TXNRD2: variants seen among roughly 807,000 people sequenced by gnomAD.
TXNRD2 encodes the protein thioredoxin reductase 2.
Under a neutral mutation model 70.8 loss-of-function variants are expected in TXNRD2, and 67 were observed. That is an observed-to-expected ratio of 0.95 (90% CI 0.78 to 1.16). TXNRD2 has a LOEUF of 1.16. TXNRD2 is among the 50% of genes most tolerant of loss of function. TXNRD2 has a pLI of 0.00. For synonymous variants in TXNRD2, 301 were observed against 295.8 expected (o/e 1.02, Z -0.18); for missense variants, 644 against 719.9 (o/e 0.89, Z 1.21).
At chr22:19,932,445 T>TA in intron 1 of TXNRD2, 1 of 1,608,944 alleles carries the variant, frequency 6.2e-7, no homozygotes, top group South Asian at 1.1e-5. Context: ...CTCTGCAAGC[T>TA]ACTGGCGAGG....
chr22:19,923,915 T>C (rs1941019061), intron 2 of TXNRD2, among the ~76,000 whole-genome samples: 1 of 141,366 alleles, frequency 7.1e-6, no homozygotes, highest in Non-Finnish European at 1.5e-5. Flanking sequence ...CCTTGCCTGG[T>C]AACTTGGGTA....
intron 11 of TXNRD2, chr22:19,895,145 C>G (rs756473829): frequency 8.1e-6 from 13 of 1,598,474 alleles, no homozygotes; most frequent in Non-Finnish European, 1.0e-5. Flanking sequence ...AGTCTCTTCT[C>G]TGGTTTTTTC....
At chr22:19,901,469 C>T (rs748573619) in intron 8 of TXNRD2, among the ~76,000 whole-genome samples, 6 of 152,192 alleles carry the variant, frequency 3.9e-5, no homozygotes, top group Admixed American at 6.5e-5. Flanking sequence ...ACGTCTCGCT[C>T]GTGTGGAGGG....
At chr22:19,931,479 G>A (rs576677000) in intron 1 of TXNRD2, among the ~76,000 whole-genome samples, 1 of 152,226 alleles carries the variant, frequency 6.6e-6, no homozygotes, top group East Asian at 1.9e-4. Context: ...CCTGCTTGGG[G>A]GAGGGATGAA....
In TXNRD2 at chr22:19,880,248, C is replaced by T. The variant is rs1139795; in HGVS notation, c.1206G>A (p.Pro402=). ...YDNVPTTVFT[P]LEYGCVGLSE... is the part of the protein sequence containing the mutation. ...ACAGCCCCACACAGCCATACTCCAGCGGGGTGAAGACGGTCGTGGGAACCT... is the reference window on the plus strand; with the variant it reads ...ACAGCCCCACACAGCCATACTCCAGTGGGGTGAAGACGGTCGTGGGAACCT... Residue 402 remains proline, a synonymous_variant, in exon 14 of 18, where the codon CCG becomes CCA. Coordinates refer to ENST00000400521, the MANE Select transcript of TXNRD2 (RefSeq NM_006440.5). 280,359 of 1,613,250 alleles carry T rather than the reference C, an allele frequency of 0.17. 31,448 individuals carry two copies. The highest frequency in any genetic ancestry group is 0.56 in the African/African-American group (41,907 of 74,922).
chr22:19,925,147 G>T (rs1346091551), intron 2 of TXNRD2, among the ~76,000 whole-genome samples: 2 of 151,812 alleles, frequency 1.3e-5, no homozygotes, highest in Non-Finnish European at 2.9e-5. Context: ...AGACGGGCAT[G>T]GTGGCATGCG....
intron 2 of TXNRD2, among the ~76,000 whole-genome samples, chr22:19,922,600 G>C (rs974987021): frequency 6.6e-6 from 1 of 151,990 alleles, no homozygotes. Flanking sequence ...TCGACTCCAG[G>C]GTGGTTTTAT....
intron 1 of TXNRD2, among the ~76,000 whole-genome samples, chr22:19,934,670 CT>C (rs1941484234): frequency 6.6e-6 from 1 of 151,442 alleles, no homozygotes; most frequent in Non-Finnish European, 1.5e-5. Flanking sequence ...TCACACCATT[CT>C]CCTGTCTCAG....
chr22:19,895,053 T>C, intron 11 of TXNRD2: 3 of 1,579,288 alleles, frequency 1.9e-6, no homozygotes, highest in Non-Finnish European at 2.6e-6. Flanking sequence ...GAAACCTTAA[T>C]AAGCAATTGC....
intron 1 of TXNRD2, among the ~76,000 whole-genome samples, chr22:19,934,382 G>GAGAAAA (rs1555915954): frequency 1.1e-5 from 1 of 93,762 alleles, no homozygotes; most frequent in Non-Finnish European, 2.1e-5. Flanking sequence ...CTCTGTCTCA[G>GAGAAAA]AAAAAAAAAA....
chr22:19,934,406 A>AC (rs1179530341), intron 1 of TXNRD2, among the ~76,000 whole-genome samples: 3 of 146,124 alleles, frequency 2.1e-5, no homozygotes, highest in Non-Finnish European at 4.5e-5. Flanking sequence ...AAAAAACTGC[A>AC]CCCCTAGTCT....
chr22:19,940,234 G>C (rs1463940800), intron 1 of TXNRD2, among the ~76,000 whole-genome samples: 3 of 93,122 alleles, frequency 3.2e-5, no homozygotes, highest in Non-Finnish European at 5.6e-5. Context: ...GACAGAGCAA[G>C]ACACTGTCTC....
intron 2 of TXNRD2, among the ~76,000 whole-genome samples, chr22:19,921,687 G>A (rs1317948926): frequency 6.6e-6 from 1 of 152,176 alleles, no homozygotes; most frequent in Non-Finnish European, 1.5e-5. Flanking sequence ...CTGAGAACTG[G>A]GGGAGACTGA....
intron 7 of TXNRD2, among the ~76,000 whole-genome samples, chr22:19,912,938 G>A (rs1442205881): frequency 1.3e-5 from 2 of 152,224 alleles, no homozygotes; most frequent in Non-Finnish European, 2.9e-5. Flanking sequence ...CTGGGTCTAA[G>A]TCAGAGGTGG....
rs886304095 is a variant in TXNRD2 at position 19,876,717 on chromosome 22, G to A, written c.*65+323C>T. 3 of 164,180 alleles carry A rather than the reference G, an allele frequency of 1.8e-5. 1 individual carries two copies. The highest frequency in any genetic ancestry group is 4.0e-4 in the South Asian group (2 of 5,010). 10.2% of individuals were successfully genotyped at this position (164,180 alleles called of 1,614,324 possible). On this transcript the variant is annotated intron_variant, in intron 17 of 17. Coordinates refer to ENST00000400521, the MANE Select transcript of TXNRD2 (RefSeq NM_006440.5). ...TGTGGGGCAGCAACTTGAGATGCCC[G>A]ACTTTAGCCCACCCGGGACACCTTC...
At chr22:19,883,626 T>TC in intron 11 of TXNRD2, 165 bp from the exon 12 acceptor site, 1 of 950,256 alleles carries the variant, frequency 1.1e-6, no homozygotes, top group Non-Finnish European at 1.6e-6. Context: ...TCACCTGAGG[T>TC]CATGAGTTCG....
At chr22:19,894,406 T>C (rs1211564958) in intron 11 of TXNRD2, 1 of 152,632 alleles carries the variant, frequency 6.6e-6, no homozygotes, top group South Asian at 2.1e-4. Flanking sequence ...ATGAATTTGA[T>C]GTTATGTGTA....
intron 2 of TXNRD2, among the ~76,000 whole-genome samples, chr22:19,921,414 CAAAAAAAAAAA>C (rs34252435): frequency 1.3e-5 from 1 of 75,388 alleles, no homozygotes; most frequent in African/African-American, 4.8e-5. Context: ...GACCCTGTCT[CAAAAAAAAAAA>C]AAAAAAAAGC....
chr22:19,918,059 C>T, intron 5 of TXNRD2, 84 bp downstream of exon 5: 1 of 1,209,000 alleles, frequency 8.3e-7, no homozygotes, highest in Non-Finnish European at 1.2e-6. Context: ...GCATGCTCTG[C>T]ACAGTAAGTA....
Sources: allele counts gnomAD v4.1 joint callset (sites outside exome capture counted in the v4.1 genomes callset), GRCh38; gene constraint gnomAD v4.1.1; transcripts MANE v1.5; gene names NCBI Gene and HGNC (gene_info 2026-07-23, HGNC 2026-07-21).